The following ROBO2 variants were observed in gnomAD, a reference collection of about 807,000 sequenced individuals.
ROBO2 encodes roundabout homolog 2.
In ROBO2, 53 loss-of-function variants were observed where a neutral mutation model predicts 160.8. The ratio of observed to expected loss-of-function variants is 0.33; its 90% CI spans 0.26 to 0.41. The LOEUF (loss-of-function observed/expected upper bound fraction) is 0.41. Among genes scored for constraint, ROBO2 ranks in the 10% least tolerant of loss-of-function variants. The probability of loss-of-function intolerance (pLI) is 1.00; values close to 1 mark genes in which losing one functional copy is unlikely to be tolerated. For missense variants in ROBO2, 1,577 were observed against 1,722.4 expected (o/e 0.92, Z 1.49); for synonymous variants, 664 against 611.7 (o/e 1.09, Z -1.26).
intron 2 of ROBO2, among the ~76,000 whole-genome samples, chr3:76,274,314 C>T (rs906652155): frequency 6.6e-6 from 1 of 151,060 alleles, no homozygotes; most frequent in African/African-American, 2.4e-5. Flanking sequence ...CTAACCTGCA[C>T]GTTGTGCACA....
intron 2 of ROBO2, among the ~76,000 whole-genome samples, chr3:77,237,598 T>C (rs2088266327): frequency 1.3e-5 from 2 of 152,144 alleles, no homozygotes; most frequent in African/African-American, 2.4e-5. Context: ...TAATATTACA[T>C]TGGATGTAAC....
At chr3:76,513,906 T>G in intron 2 of ROBO2, among the ~76,000 whole-genome samples, 1 of 152,164 alleles carries the variant, frequency 6.6e-6, no homozygotes, top group East Asian at 1.9e-4. Context: ...TTTGAAAAAA[T>G]AACCATAATA....
At chr3:77,603,428 T>G (rs1189445094) in intron 20 of ROBO2, among the ~76,000 whole-genome samples, 1 of 152,162 alleles carries the variant, frequency 6.6e-6, no homozygotes, top group Non-Finnish European at 1.5e-5. Flanking sequence ...TTGGAGTAGT[T>G]CATAATATTA....
Position 76,603,248 on chromosome 3 carries a change from C to T in ROBO2, c.110-494766C>T, listed in dbSNP as rs2087304294. ...TCAGGAGGCTGAGGCAGGAGAATGG[C>T]GTGAACCCGGGAGGCAGAGCTTGCA... On this transcript the variant is annotated intron_variant, in intron 2 of 26. Transcript: ENST00000487694. Among the ~76,000 whole-genome samples, 6 of 148,110 alleles carry T rather than the reference C, an allele frequency of 4.1e-5. No individual in the cohort carries two copies. In the South Asian group the frequency reaches 1.1e-3, roughly 26 times the overall value.
intron 2 of ROBO2, among the ~76,000 whole-genome samples, chr3:76,650,938 A>T (rs2091228414): frequency 6.6e-6 from 1 of 152,204 alleles, no homozygotes; most frequent in African/African-American, 2.4e-5. Context: ...TTAACTGTTA[A>T]AAGACCTTTG....
intron 2 of ROBO2, among the ~76,000 whole-genome samples, chr3:77,154,664 T>C (rs1247403124): frequency 2.6e-5 from 4 of 152,068 alleles, no homozygotes; most frequent in Non-Finnish European, 5.9e-5. Flanking sequence ...ATGTGGTGCA[T>C]GTATGCCATG....
intron 2 of ROBO2, among the ~76,000 whole-genome samples, chr3:76,645,945 G>T (rs1395878073): frequency 6.6e-6 from 1 of 152,154 alleles, no homozygotes; most frequent in Non-Finnish European, 1.5e-5. Context: ...AAGACACTGT[G>T]TCTTGTTTGT....
intron 2 of ROBO2, among the ~76,000 whole-genome samples, chr3:76,542,171 G>T (rs1012054840): frequency 1.6e-4 from 24 of 152,090 alleles, no homozygotes; most frequent in African/African-American, 5.8e-4. Context: ...AAGTCTACAG[G>T]CATGTTTAGG....
intron 2 of ROBO2, among the ~76,000 whole-genome samples, chr3:76,721,507 T>G (rs1448545794): frequency 6.6e-6 from 1 of 152,168 alleles, no homozygotes; most frequent in Non-Finnish European, 1.5e-5. Flanking sequence ...TCTCTGAATC[T>G]GATTACTTCC....
chr3:77,469,808 TA>T (rs1166578881), intron 2 of ROBO2, among the ~76,000 whole-genome samples: 9 of 152,212 alleles, frequency 5.9e-5, no homozygotes, highest in East Asian at 1.9e-4. Flanking sequence ...TTTTATATCA[TA>T]AAAAAGGGGT....
At chr3:76,598,840 C>G (rs950941553) in intron 2 of ROBO2, among the ~76,000 whole-genome samples, 1 of 152,026 alleles carries the variant, frequency 6.6e-6, no homozygotes, top group African/African-American at 2.4e-5. Flanking sequence ...TTCAATTCTT[C>G]AAAGCTGTTT....
chr3:76,530,320 G>T (rs895073417), intron 2 of ROBO2, among the ~76,000 whole-genome samples: 2 of 152,164 alleles, frequency 1.3e-5, no homozygotes, highest in Admixed American at 1.3e-4. Context: ...CTCATTTTAA[G>T]TTCTCACTCA....
At chr3:76,213,693 A>G (rs1180874509) in intron 2 of ROBO2, among the ~76,000 whole-genome samples, 1 of 152,202 alleles carries the variant, frequency 6.6e-6, no homozygotes, top group Non-Finnish European at 1.5e-5. Flanking sequence ...GTAGAAAATC[A>G]GGTTTTTGTG....
At chr3:76,865,899 T>C in intron 2 of ROBO2, among the ~76,000 whole-genome samples, 1 of 152,118 alleles carries the variant, frequency 6.6e-6, no homozygotes, top group East Asian at 1.9e-4. Flanking sequence ...ATAGCTACCT[T>C]GTATTTTAGT....
chr3:76,125,832 A>G (rs539488978), intron 2 of ROBO2, among the ~76,000 whole-genome samples: 1 of 152,060 alleles, frequency 6.6e-6, no homozygotes, highest in Admixed American at 6.6e-5. Context: ...TTTTCTATTT[A>G]TTATTATTAT....
At chr3:76,943,947 A>AG (rs2078355633) in intron 2 of ROBO2, among the ~76,000 whole-genome samples, 1 of 152,232 alleles carries the variant, frequency 6.6e-6, no homozygotes, top group Admixed American at 6.5e-5. Flanking sequence ...CAATGATTCA[A>AG]GCTGGGCTTA....
chr3:76,956,568 AAAAG>A (rs2079282626), intron 2 of ROBO2, among the ~76,000 whole-genome samples: 3 of 151,610 alleles, frequency 2.0e-5, no homozygotes, highest in African/African-American at 7.3e-5. Context: ...AAAAAAAAAA[AAAAG>A]AAAAAGAAGC....
intron 2 of ROBO2, among the ~76,000 whole-genome samples, chr3:77,441,220 C>T (rs1157209368): frequency 1.3e-5 from 2 of 151,320 alleles, no homozygotes; most frequent in Non-Finnish European, 2.9e-5. Context: ...TCATGGTGTG[C>T]CTTAATTTAA....
upstream of ROBO2, among the ~76,000 whole-genome samples, chr3:77,038,913 G>A (rs1214769552): frequency 6.6e-6 from 1 of 152,210 alleles, no homozygotes; most frequent in Non-Finnish European, 1.5e-5. Flanking sequence ...TATGTTTACC[G>A]AATTTCCTTC....
Sources: gnomAD v4.1 joint callset for allele counts (sites outside exome capture counted in the v4.1 genomes callset) on GRCh38, gnomAD v4.1.1 for gene constraint, MANE v1.5 for transcripts, NCBI Gene and HGNC (gene_info 2026-07-23, HGNC 2026-07-21) for gene names.